Variants in WASF2 observed in about 807,000 individuals in gnomAD.
WASF2 encodes WASP family member 2.
In WASF2, 14 loss-of-function variants were observed where a neutral mutation model predicts 45.0. The observed-to-expected ratio is 0.31, with a 90% confidence interval of 0.21 to 0.49. WASF2 has a LOEUF of 0.49. WASF2 is among the 20% of genes least tolerant of loss of function. The pLI, the probability that WASF2 is intolerant of heterozygous loss-of-function variation, is 0.99. For synonymous variants in WASF2, 200 were observed against 236.3 expected, an observed-to-expected ratio of 0.85 and a Z score of 1.41; for missense variants, 439 against 636.1, an observed-to-expected ratio of 0.69 and a Z score of 3.33.
chr1:27,416,009 G>A lies in WASF2; in HGVS notation c.513C>T (p.Ile171=). 3 of 1,613,924 alleles carry A rather than the reference G, an allele frequency of 1.9e-6. No homozygotes were observed. Among genetic ancestry groups the A allele is most frequent in the East Asian group, 2.2e-5 (1 of 44,876 alleles). ...KEKMLQDTKD[I]MKEKRKHRKE... ...CCCTATGCTTTCTCTTCTCTTTCATGATATCCTTGGTGTCCTGCAGCATCT... is the reference window on the plus strand; with the variant it reads ...CCCTATGCTTTCTCTTCTCTTTCATAATATCCTTGGTGTCCTGCAGCATCT... The change falls in exon 5 of 9, where the codon ATC becomes ATT. Residue 171 remains isoleucine, a synonymous_variant. Coordinates refer to ENST00000618852, the MANE Select transcript of WASF2 (RefSeq NM_006990.5).
chr1:27,486,343 G>T (rs909655791), intron 1 of WASF2, among the ~76,000 whole-genome samples: 52 of 151,084 alleles, frequency 3.4e-4, no homozygotes, highest in Admixed American at 7.2e-4. Flanking sequence ...CTTTTTTTTT[G>T]GTGCCAAGGA....
At chr1:27,413,510 G>A (rs1208049613) in intron 6 of WASF2, among the ~76,000 whole-genome samples, 1 of 152,218 alleles carries the variant, frequency 6.6e-6, no homozygotes, top group African/African-American at 2.4e-5. Flanking sequence ...AGGGAGAACA[G>A]AGTTGGAGAA....
In WASF2 at chr1:27,428,795, G is replaced by C; in HGVS notation, c.96C>G (p.Thr32=). Residue 32 remains threonine, a synonymous_variant, in exon 2 of 9, where the codon ACC becomes ACG. Transcript: ENST00000618852. ...RSELECVTNI[T]LANVIRQLGS... ...CCAGCTGTCGGATGACATTTGCCAG[G>C]GTGATGTTGGTCACGCATTCCAGCT... 7 of 1,614,170 alleles carry C rather than the reference G, an allele frequency of 4.3e-6. No homozygotes were observed. Among genetic ancestry groups the C allele is most frequent in the Non-Finnish European group, 5.9e-6 (7 of 1,180,034 alleles).
intron 1 of WASF2, among the ~76,000 whole-genome samples, chr1:27,454,167 ATATATATATATATATATATATTTT>A (rs1557612251): frequency 4.1e-4 from 18 of 44,360 alleles, no homozygotes; most frequent in Admixed American, 9.4e-4. Context: ...ATATATATAT[ATATATATATATATATATATATTTT>A]TTTTTTTTTT....
At chr1:27,430,719 T>C (rs535122454) in intron 1 of WASF2, among the ~76,000 whole-genome samples, 1 of 152,020 alleles carries the variant, frequency 6.6e-6, no homozygotes, top group East Asian at 1.9e-4. Context: ...GCTCACTACA[T>C]TCTTGACCGC....
intron 1 of WASF2, among the ~76,000 whole-genome samples, chr1:27,467,999 T>C (rs2017639205): frequency 6.6e-6 from 1 of 151,708 alleles, no homozygotes; most frequent in South Asian, 2.1e-4. Flanking sequence ...AGTAGCACAA[T>C]CTCAGCTCAC....
intron 1 of WASF2, among the ~76,000 whole-genome samples, chr1:27,433,682 G>A (rs904519939): frequency 1.3e-5 from 2 of 152,192 alleles, no homozygotes; most frequent in Admixed American, 1.3e-4. Flanking sequence ...TAGCAAATAT[G>A]AACTGAGAAA....
chr1:27,464,051 A>G (rs1431212671), intron 1 of WASF2, among the ~76,000 whole-genome samples: 1 of 151,798 alleles, frequency 6.6e-6, no homozygotes, highest in Non-Finnish European at 1.5e-5. Flanking sequence ...ATATTATTCT[A>G]ATAATAATTT....
intron 1 of WASF2, among the ~76,000 whole-genome samples, chr1:27,442,843 A>G (rs1240521074): frequency 6.6e-6 from 1 of 151,856 alleles, no homozygotes. Context: ...TCTACTAAAA[A>G]TACAAAAATT....
At chr1:27,430,698 G>A (rs2017049364) in intron 1 of WASF2, among the ~76,000 whole-genome samples, 1 of 151,690 alleles carries the variant, frequency 6.6e-6, no homozygotes, top group Non-Finnish European at 1.5e-5. Flanking sequence ...GAGTGCAATG[G>A]TGCGATCACA....
At chr1:27,423,418 T>G (rs1439272582) in intron 2 of WASF2, among the ~76,000 whole-genome samples, 1 of 152,142 alleles carries the variant, frequency 6.6e-6, no homozygotes, top group East Asian at 1.9e-4. Context: ...ACTCCCAACC[T>G]CAAGTGATCC....
chr1:27,409,014 C>T (rs190847814), intron 8 of WASF2, among the ~76,000 whole-genome samples: 215 of 151,676 alleles, frequency 1.4e-3, no homozygotes, highest in Non-Finnish European at 2.3e-3. Flanking sequence ...TTTTCGAAGG[C>T]ACAAAACCCT....
intron 2 of WASF2, among the ~76,000 whole-genome samples, chr1:27,420,514 CTTTTT>C (rs782294669): frequency 3.6e-5 from 3 of 82,490 alleles, no homozygotes; most frequent in Non-Finnish European, 6.0e-5. Context: ...ACCATCTGAG[CTTTTT>C]TTTTTTTTTT....
At chr1:27,451,135 G>A (rs1244625516) in intron 1 of WASF2, among the ~76,000 whole-genome samples, 1 of 152,010 alleles carries the variant, frequency 6.6e-6, no homozygotes, top group Non-Finnish European at 1.5e-5. Context: ...TATATACCAG[G>A]CACTGTGCCA....
At chr1:27,434,492 A>G (rs1308107132) in intron 1 of WASF2, among the ~76,000 whole-genome samples, 2 of 152,120 alleles carry the variant, frequency 1.3e-5, no homozygotes, top group African/African-American at 4.8e-5. Context: ...ACATTTAGGG[A>G]CTGTAGAGAG....
Position 27,447,180 on chromosome 1 carries a change from G to A in WASF2, c.-43-18247C>T, listed in dbSNP as rs1250978606. 2.0e-5 allele frequency among the ~76,000 whole-genome samples: 3 copies of A among 152,024 alleles called. No individual in the cohort carries two copies. In the East Asian group the frequency reaches 5.8e-4, roughly 29 times the overall value. On this transcript the variant is annotated intron_variant, in intron 1 of 8. Coordinates refer to ENST00000618852, the MANE Select transcript of WASF2 (RefSeq NM_006990.5). ...TATTATTTTAAGATATGAGTATTTA[G>A]AAAAATAAAATTATATTTACATTAA...
At chr1:27,408,480 G>A in intron 8 of WASF2, 134 bp from the exon 9 acceptor site, 1 of 1,238,590 alleles carries the variant, frequency 8.1e-7, no homozygotes, top group Non-Finnish European at 1.1e-6. Context: ...GGTTGTTATG[G>A]AAAAGCAGAA....
intron 1 of WASF2, among the ~76,000 whole-genome samples, chr1:27,451,888 T>TA (rs943464987): frequency 3.3e-5 from 5 of 152,228 alleles, no homozygotes; most frequent in African/African-American, 1.2e-4. Context: ...ATACATATGA[T>TA]AAAGTTTAAT....
At chr1:27,409,659 C>T (rs368807040) in intron 8 of WASF2, 33 bp downstream of exon 8, 9 of 1,431,424 alleles carry the variant, frequency 6.3e-6, no homozygotes, top group East Asian at 5.1e-5. Context: ...AAAGACAAGG[C>T]TCCACAGTCC....
Sources: allele counts gnomAD v4.1 joint callset (sites outside exome capture counted in the v4.1 genomes callset), GRCh38; gene constraint gnomAD v4.1.1; transcripts MANE v1.5; gene names NCBI Gene and HGNC (gene_info 2026-07-23, HGNC 2026-07-21).